NYAP2: variants seen among roughly 807,000 people sequenced by gnomAD.
The protein encoded by NYAP2 is neuronal tyrosine-phosphorylated phosphoinositide-3-kinase adaptor 2.
NYAP2 carries 23 observed loss-of-function variants against 50.4 expected under a neutral mutation model. The ratio of observed to expected loss-of-function variants is 0.46; its 90% CI spans 0.33 to 0.65. NYAP2 has a LOEUF of 0.65. NYAP2 is among the 30% of genes least tolerant of loss of function. The probability of loss-of-function intolerance (pLI) is 0.02; values close to 1 mark genes in which losing one functional copy is unlikely to be tolerated. For synonymous variants in NYAP2, 394 were observed against 365.2 expected (o/e 1.08, Z -0.90); for missense variants, 885 against 861.0 (o/e 1.03, Z -0.35).
At chr2:225,519,562 A>G (rs1691009649) in intron 4 of NYAP2, among the ~76,000 whole-genome samples, 1 of 151,748 alleles carries the variant, frequency 6.6e-6, no homozygotes, top group African/African-American at 2.4e-5. Context: ...GAGAATGATG[A>G]TTTCCAGCTT....
chr2:225,399,952 T>G (rs1453310095), exon 1 of NYAP2: 1 of 151,922 alleles, frequency 6.6e-6, no homozygotes, highest in African/African-American at 2.4e-5. Flanking sequence ...AAATGAAGGG[T>G]GTTTCTTTAC....
the NYAP2 span, among the ~76,000 whole-genome samples, chr2:225,670,925 C>T: frequency 6.6e-6 from 1 of 152,038 alleles, no homozygotes; most frequent in Non-Finnish European, 1.5e-5. Flanking sequence ...AAACAATGTA[C>T]ATACCTTAAT....
At chr2:225,588,250 T>C (rs1574695780) in intron 5 of NYAP2, among the ~76,000 whole-genome samples, 1 of 152,108 alleles carries the variant, frequency 6.6e-6, no homozygotes, top group Non-Finnish European at 1.5e-5. Flanking sequence ...TTAGATGTCA[T>C]AGTATATTTT....
At chr2:225,461,749 C>A (rs755915897) in intron 3 of NYAP2, among the ~76,000 whole-genome samples, 20 of 152,172 alleles carry the variant, frequency 1.3e-4, no homozygotes, top group Non-Finnish European at 2.6e-4. Context: ...CAAAAGCAGC[C>A]AGTCCTCATT....
Position 225,409,036 on chromosome 2 carries a change from A to G in NYAP2, c.156A>G (p.Glu52=), listed in dbSNP as rs745818203. ...GAGAGAATGATCGCTTGAGAAATGA[A>G]ACTAACCTAGCCTATTTGAAAGAGA... The change falls in exon 3 of 7, where the codon GAA becomes GAG. Residue 52 remains glutamate (E), a synonymous_variant. Coordinates refer to ENST00000636099, the Ensembl canonical transcript of NYAP2. 3 of 1,612,310 alleles carry G rather than the reference A, an allele frequency of 1.9e-6. No homozygotes were observed. The Admixed American group carries it at 5.0e-5, about 27-fold the overall frequency.
chr2:225,576,863 A>G (rs556582375), intron 4 of NYAP2, among the ~76,000 whole-genome samples: 2 of 152,298 alleles, frequency 1.3e-5, no homozygotes, highest in South Asian at 4.1e-4. Context: ...TAATATATGG[A>G]ATCTGGGCTG....
chr2:225,548,722 G>A (rs1369175641), intron 4 of NYAP2, among the ~76,000 whole-genome samples: 2 of 152,048 alleles, frequency 1.3e-5, no homozygotes, highest in African/African-American at 4.8e-5. Context: ...CAAGAAAAAG[G>A]TTCTACATTG....
chr2:225,665,838 G>C, the NYAP2 span, among the ~76,000 whole-genome samples: 69 of 22,694 alleles, frequency 3.0e-3, no homozygotes, highest in Non-Finnish European at 4.2e-3. Context: ...AAAAAAAAAA[G>C]CCCACCACCC....
At chr2:225,469,238 A>G (rs1574630426) in intron 3 of NYAP2, among the ~76,000 whole-genome samples, 1 of 152,248 alleles carries the variant, frequency 6.6e-6, no homozygotes, top group African/African-American at 2.4e-5. Context: ...TAAGACATTT[A>G]TGCAGCCAAC....
At chr2:225,433,079 G>A (rs1415143059) in intron 3 of NYAP2, among the ~76,000 whole-genome samples, 1 of 152,012 alleles carries the variant, frequency 6.6e-6, no homozygotes, top group Admixed American at 6.5e-5. Context: ...TGAATTATTG[G>A]TTCGAAAATA....
At position 225,582,456 on chromosome 2, in the gene NYAP2, T is replaced by G; in HGVS notation, c.1039T>G (p.Ser347Ala). ...ATTTCCCCCCGCCCCCGTGCATTGCTCCCCCAACTCCGACGAGTCCCCGCT... is the reference window on the plus strand; with the variant it reads ...ATTTCCCCCCGCCCCCGTGCATTGCGCCCCCAACTCCGACGAGTCCCCGCT... The change falls in exon 5 of 7, where the codon TCC becomes GCC. Residue 347 changes from serine to alanine, a missense_variant. Coordinates refer to ENST00000636099, the Ensembl canonical transcript of NYAP2. The surrounding 1 kb of genome is among the most constrained non-coding windows in gnomAD (Gnocchi z 7.0). 4 of 919,124 alleles carry G rather than the reference T, an allele frequency of 4.4e-6. No homozygotes were observed. Among genetic ancestry groups the G allele is most frequent in the Non-Finnish European group, 5.9e-6 (4 of 673,260 alleles). 56.9% of individuals were successfully genotyped at this position (919,124 alleles called of 1,614,324 possible).
chr2:225,587,259 A>T (rs1692404659), intron 5 of NYAP2, among the ~76,000 whole-genome samples: 1 of 152,242 alleles, frequency 6.6e-6, no homozygotes, highest in Non-Finnish European at 1.5e-5. Flanking sequence ...CATTTCTATG[A>T]AAAAGTACAA....
chr2:225,520,457 TA>T (rs1272136447), intron 4 of NYAP2, among the ~76,000 whole-genome samples: 1 of 152,148 alleles, frequency 6.6e-6, no homozygotes, highest in East Asian at 1.9e-4. Context: ...GTATAAGGTG[TA>T]AGGAAGGGAT....
chr2:225,462,285 T>C (rs1390608838), intron 3 of NYAP2, among the ~76,000 whole-genome samples: 1 of 152,230 alleles, frequency 6.6e-6, no homozygotes, highest in African/African-American at 2.4e-5. Flanking sequence ...GTCATAAGAA[T>C]GATGAAAATG....
At chr2:225,490,146 A>G (rs1394114346) in intron 3 of NYAP2, among the ~76,000 whole-genome samples, 2 of 152,144 alleles carry the variant, frequency 1.3e-5, no homozygotes, top group Admixed American at 6.5e-5. Flanking sequence ...ATTCATATCT[A>G]TCCAGTTAGA....
intron 5 of NYAP2, among the ~76,000 whole-genome samples, chr2:225,611,899 TATACACACACACAC>T (rs1692893043): frequency 9.7e-6 from 1 of 102,746 alleles, no homozygotes; most frequent in Non-Finnish European, 1.9e-5. Flanking sequence ...TGTGTGTGTG[TATACACACACACAC>T]ACACACACAC....
chr2:225,505,130 C>G (rs1690682991), intron 3 of NYAP2, among the ~76,000 whole-genome samples: 1 of 150,566 alleles, frequency 6.6e-6, no homozygotes. Flanking sequence ...TTTTGTTTTT[C>G]TATAACAGTT....
intron 3 of NYAP2, among the ~76,000 whole-genome samples, chr2:225,462,398 T>C (rs143367134): frequency 6.6e-6 from 1 of 152,160 alleles, no homozygotes; most frequent in East Asian, 1.9e-4. Context: ...CCCATCATCA[T>C]TCCATCAAGA....
intron 4 of NYAP2, among the ~76,000 whole-genome samples, chr2:225,530,998 C>T (rs2106197179): frequency 6.6e-6 from 1 of 152,332 alleles, no homozygotes; most frequent in Admixed American, 6.5e-5. Flanking sequence ...GGTCATCTTT[C>T]CTGCAGGTTC....
Sources: gnomAD v4.1 joint callset for allele counts (sites outside exome capture counted in the v4.1 genomes callset) on GRCh38, gnomAD v4.1.1 for gene constraint, Gnocchi (gnomAD v3.1) non-coding constraint, MANE v1.5 for transcripts, NCBI Gene and HGNC (gene_info 2026-07-23, HGNC 2026-07-21) for gene names.